The following WNK2 variants were observed in gnomAD, a reference collection of about 807,000 sequenced individuals.
WNK2 encodes WNK lysine deficient protein kinase 2.
WNK2 carries 67 observed loss-of-function variants against 192.1 expected under a neutral mutation model. The observed-to-expected ratio is 0.35, with a 90% CI of 0.29 to 0.43. The LOEUF (loss-of-function observed/expected upper bound fraction) is 0.43. Ranked by LOEUF, WNK2 falls within the 20% of genes least tolerant of loss-of-function variation. The probability of loss-of-function intolerance (pLI) is 1.00; values close to 1 mark genes in which losing one functional copy is unlikely to be tolerated. For synonymous variants in WNK2, 1,439 were observed against 1,393.9 expected, an observed-to-expected ratio of 1.03 and a Z score of -0.72; for missense variants, 2,698 against 3,089.7, an observed-to-expected ratio of 0.87 and a Z score of 3.01.
chr9:93,271,317 G>A lies in WNK2; in HGVS notation c.4033+2571G>A, dbSNP rs564100532. Reference sequence around the variant, plus strand: ...CATCATAAGGTTTAAACAAGTCTCAGGATTTCCTAATGTCATTGAAAATGT... The same window carrying A: ...CATCATAAGGTTTAAACAAGTCTCAAGATTTCCTAATGTCATTGAAAATGT... On this transcript the variant is annotated intron_variant, in intron 19 of 29. Transcript: ENST00000427277. 5.9e-5 allele frequency among the ~76,000 whole-genome samples: 9 copies of A among 152,212 alleles called. No homozygotes were observed. In the South Asian group the frequency reaches 1.4e-3, roughly 25 times the overall value.
chr9:93,294,288 G>T (rs1849885524), intron 23 of WNK2, among the ~76,000 whole-genome samples: 1 of 152,210 alleles, frequency 6.6e-6, no homozygotes, highest in Admixed American at 6.5e-5. Flanking sequence ...CTGTGTTCGT[G>T]GAGAACTGAG....
chr9:93,191,228 G>C (rs1830281511), intron 2 of WNK2, among the ~76,000 whole-genome samples: 1 of 152,138 alleles, frequency 6.6e-6, no homozygotes, highest in Non-Finnish European at 1.5e-5. Flanking sequence ...GGCTTACTCT[G>C]AGGTTGCGTA....
intron 2 of WNK2, among the ~76,000 whole-genome samples, chr9:93,188,082 T>C (rs1173761970): frequency 6.6e-6 from 1 of 152,106 alleles, no homozygotes; most frequent in Non-Finnish European, 1.5e-5. Flanking sequence ...GGAGTCACGC[T>C]TTACACTGTA....
chr9:93,267,910 C>T lies in WNK2; in HGVS notation c.3861C>T (p.Thr1287=), dbSNP rs139962211. Residue 1287 remains threonine (T), a synonymous_variant, in exon 17 of 30, where the codon ACC becomes ACT. Coordinates refer to ENST00000427277, the MANE Select transcript of WNK2 (RefSeq NM_006648.4). The part of the protein sequence containing the change: ...PPHLSTCGLG[T]GEESRQSQAN... ...ACCTCAGCACCTGCGGCCTGGGCAC[C>T]GGGGAGGTGAGGTTGTGAAATCCGG... is the stretch of plus-strand genomic sequence containing the variant. 3.4e-5 allele frequency: 55 copies of T among 1,611,798 alleles called. No individual in the cohort carries two copies. The highest frequency in any genetic ancestry group is 1.7e-4 in the African/African-American group (13 of 74,878).
intron 19 of WNK2, chr9:93,268,998 A>G (rs777275012): frequency 4.0e-6 from 6 of 1,502,088 alleles, no homozygotes; most frequent in Admixed American, 3.9e-5. Flanking sequence ...TCGCATGGCC[A>G]TATAGGTGTG....
At chr9:93,304,453 C>T (rs187757696) in intron 26 of WNK2, among the ~76,000 whole-genome samples, 29 of 152,414 alleles carry the variant, frequency 1.9e-4, no homozygotes, top group Non-Finnish European at 1.8e-4. Context: ...CGCCCCAGCA[C>T]CACTGAGCAG....
At chr9:93,269,468 G>A (rs542193774) in intron 19 of WNK2, among the ~76,000 whole-genome samples, 19 of 152,156 alleles carry the variant, frequency 1.2e-4, no homozygotes, top group African/African-American at 7.2e-5. Context: ...TTGGAGATTC[G>A]TTCCCATGGG....
intron 9 of WNK2, among the ~76,000 whole-genome samples, chr9:93,255,232 G>T (rs944865884): frequency 6.6e-6 from 1 of 152,202 alleles, no homozygotes; most frequent in Non-Finnish European, 1.5e-5. Context: ...TGGTTGCCAT[G>T]GTGATGTGTC....
At chr9:93,303,616 C>T (rs1364382192) in intron 26 of WNK2, among the ~76,000 whole-genome samples, 1 of 152,176 alleles carries the variant, frequency 6.6e-6, no homozygotes, top group African/African-American at 2.4e-5. Context: ...GGGCCCCCAC[C>T]CTGCACTGCG....
chr9:93,228,613 G>T (rs1238595189), intron 2 of WNK2, among the ~76,000 whole-genome samples: 1 of 152,228 alleles, frequency 6.6e-6, no homozygotes, highest in Non-Finnish European at 1.5e-5. Context: ...CTGGGGGCAG[G>T]ACCTCAGGTG....
At chr9:93,212,917 G>A (rs542349239) in intron 2 of WNK2, among the ~76,000 whole-genome samples, 2 of 152,314 alleles carry the variant, frequency 1.3e-5, no homozygotes, top group South Asian at 2.1e-4. Context: ...TTTGGACTCC[G>A]CCTTGGGGCT....
In WNK2 at chr9:93,257,123, C is replaced by T. The variant is rs1231185214; in HGVS notation, c.2366C>T (p.Ala789Val). Reference sequence around the variant, plus strand: ...CCACAGGCGCCCCTGCAGCCGCTTGCTCAAGTCCCTCCGCAGGTAATTCTA... The same window carrying T: ...CCACAGGCGCCCCTGCAGCCGCTTGTTCAAGTCCCTCCGCAGGTAATTCTA... ...QMPQAPLQPL[A>V]QVPPQMPPIP... The change falls in exon 11 of 30, where the codon GCT becomes GTT. Residue 789 changes from alanine to valine, a missense_variant. Ala to Val is a moderately conservative substitution (Grantham distance 64, BLOSUM62 0). Coordinates refer to ENST00000427277, the MANE Select transcript of WNK2 (RefSeq NM_006648.4). This position sits in a 1 kb window ranked among gnomAD's most constrained non-coding sequence, Gnocchi z 4.7. The T allele has an allele frequency of 9.9e-6, 16 of 1,608,672 alleles. No homozygotes were observed. Among genetic ancestry groups the T allele is most frequent in the Non-Finnish European group, 1.3e-5 (15 of 1,178,992 alleles).
intron 4 of WNK2, among the ~76,000 whole-genome samples, 153 bp downstream of exon 4, chr9:93,231,261 C>T (rs1290525645): frequency 6.6e-6 from 1 of 152,228 alleles, no homozygotes. Context: ...GGTGTCTGGG[C>T]TACCCCACCA....
intron 28 of WNK2, among the ~76,000 whole-genome samples, chr9:93,314,303 C>A (rs1854208791): frequency 1.3e-5 from 2 of 151,884 alleles, no homozygotes; most frequent in Non-Finnish European, 2.9e-5. Context: ...AAAAAAACAG[C>A]TGGGCATGGT....
In WNK2 at chr9:93,253,040, G is replaced by C. The variant is rs1408537885; in HGVS notation, c.1992G>C (p.Gln664His). Reference protein sequence around the residue: ...PPVSEGPVLPQSLPSLGAYQQ... With the variant: ...PPVSEGPVLPHSLPSLGAYQQ... ...TGAGCGAGGGGCCCGTCCTGCCGCA[G>C]AGCCTGCCCTCGCTGGGGGCCTACC... Residue 664 changes from glutamine to histidine, a missense_variant, in exon 9 of 30, where the codon CAG becomes CAC. Around this residue, in one of 7 missense-constraint regions of WNK2, gnomAD observed 893 missense variants for 909.0 expected, o/e 0.98. Coordinates refer to ENST00000427277, the MANE Select transcript of WNK2 (RefSeq NM_006648.4). 6.5e-7 allele frequency: 1 copy of C among 1,533,278 alleles called. No individual in the cohort carries two copies. The highest frequency in any genetic ancestry group is 2.1e-5 in the Admixed American group (1 of 48,356). The allele number at this position is 1,533,278 out of a possible 1,614,324, so 95.0% of individuals were successfully genotyped here.
intron 28 of WNK2, chr9:93,309,143 A>G: frequency 1.0e-6 from 1 of 984,228 alleles, no homozygotes; most frequent in Non-Finnish European, 1.2e-6. Context: ...GGGTTTGTGG[A>G]AGACTGGTGT....
At chr9:93,240,125 C>T (rs1262250577) in intron 7 of WNK2, 149 bp downstream of exon 7, 2 of 850,312 alleles carry the variant, frequency 2.4e-6, no homozygotes, top group Admixed American at 4.9e-5. Context: ...CAGGTGTGGG[C>T]AGCTGAGGTC....
intron 7 of WNK2, among the ~76,000 whole-genome samples, chr9:93,245,404 C>T (rs2132437851): frequency 6.6e-6 from 1 of 152,348 alleles, no homozygotes; most frequent in East Asian, 1.9e-4. Flanking sequence ...ACTTCCATGT[C>T]CTGTCCCTCG....
chr9:93,247,978 G>T lies in WNK2; in HGVS notation c.1834+144G>T, dbSNP rs1004597517. ...GGGTCCGCATGGCATCCCCTCGGAG[G>T]AGACATCGTGTAGCTCTGAGCTGTC... On this transcript the variant is annotated intron_variant, in intron 8 of 29. Coordinates refer to ENST00000427277, the MANE Select transcript of WNK2 (RefSeq NM_006648.4). This position sits in a 1 kb window ranked among gnomAD's most constrained non-coding sequence, Gnocchi z 5.2. 2 of 941,820 alleles carry T rather than the reference G, an allele frequency of 2.1e-6. No homozygotes were observed. Among genetic ancestry groups the T allele is most frequent in the African/African-American group, 3.3e-5 (2 of 60,330 alleles). The allele number at this position is 941,820 out of a possible 1,614,324, so 58.3% of individuals were successfully genotyped here.
Sources: gnomAD v4.1 joint callset for allele counts (sites outside exome capture counted in the v4.1 genomes callset) on GRCh38, gnomAD v4.1.1 for gene constraint, gnomAD v4.1.1 regional missense constraint, Gnocchi (gnomAD v3.1) non-coding constraint, MANE v1.5 for transcripts, NCBI Gene and HGNC (gene_info 2026-07-23, HGNC 2026-07-21) for gene names.